Variants in PEPD observed in about 807,000 individuals in gnomAD.
The protein encoded by PEPD is xaa-Pro dipeptidase.
In PEPD, 53 loss-of-function variants were observed where a neutral mutation model predicts 60.7. The ratio of observed to expected loss-of-function variants is 0.87; its 90% CI spans 0.70 to 1.10. PEPD has a LOEUF of 1.10. PEPD is among the 50% of genes least tolerant of loss of function. The pLI is 0.00. For missense variants in PEPD, 711 were observed against 711.9 expected, an observed-to-expected ratio of 1.00 and a Z score of 0.01; for synonymous variants, 267 against 284.1, an observed-to-expected ratio of 0.94 and a Z score of 0.60.
At chr19:33,521,372 G>T (rs999886783) in intron 1 of PEPD, among the ~76,000 whole-genome samples, 1 of 152,218 alleles carries the variant, frequency 6.6e-6, no homozygotes, top group Non-Finnish European at 1.5e-5. Context: ...AGTCCGTCTC[G>T]AATACCGCCT....
chr19:33,408,491 G>T (rs538873381), intron 11 of PEPD, among the ~76,000 whole-genome samples: 6 of 152,354 alleles, frequency 3.9e-5, no homozygotes, highest in Admixed American at 3.9e-4. Context: ...GCGTGTTGGG[G>T]GAGTGCTCAT....
At chr19:33,505,183 T>A (rs1297036180) in intron 3 of PEPD, among the ~76,000 whole-genome samples, 2 of 152,126 alleles carry the variant, frequency 1.3e-5, no homozygotes, top group African/African-American at 4.8e-5. Context: ...ATTACAGCCA[T>A]CACCATCCAT....
chr19:33,461,291 C>T (rs7254613), intron 9 of PEPD, among the ~76,000 whole-genome samples: 63,149 of 151,424 alleles, frequency 0.42, 13,918 homozygotes, highest in African/African-American at 0.56. Flanking sequence ...ATTTTGGATA[C>T]TGAAATTTCC....
At chr19:33,417,190 A>C (rs1968908338) in intron 9 of PEPD, among the ~76,000 whole-genome samples, 1 of 152,248 alleles carries the variant, frequency 6.6e-6, no homozygotes, top group Admixed American at 6.5e-5. Context: ...CGAAGAGGTT[A>C]GTGAGGCAGT....
At chr19:33,406,346 A>G (rs114612680) in intron 11 of PEPD, among the ~76,000 whole-genome samples, 123 of 152,366 alleles carry the variant, frequency 8.1e-4, no homozygotes, top group African/African-American at 2.8e-3. Context: ...GTGTCTGCTC[A>G]TAACCAGGCC....
chr19:33,398,032 G>A (rs1968406396), intron 12 of PEPD, among the ~76,000 whole-genome samples: 1 of 152,192 alleles, frequency 6.6e-6, no homozygotes, highest in Non-Finnish European at 1.5e-5. Flanking sequence ...AGGCCAGCCA[G>A]GGCTGGGCCA....
At chr19:33,459,335 T>C (rs900300681) in intron 9 of PEPD, among the ~76,000 whole-genome samples, 1 of 152,158 alleles carries the variant, frequency 6.6e-6, no homozygotes, top group Non-Finnish European at 1.5e-5. Flanking sequence ...ACACATCGCG[T>C]TATTAATCTC....
At chr19:33,427,854 C>T (rs1969183761) in intron 9 of PEPD, among the ~76,000 whole-genome samples, 1 of 152,172 alleles carries the variant, frequency 6.6e-6, no homozygotes, top group Non-Finnish European at 1.5e-5. Flanking sequence ...CTTTATGACA[C>T]CAACACTACT....
chr19:33,387,836 G>T, intron 14 of PEPD, 54 bp downstream of exon 14: 1 of 1,381,218 alleles, frequency 7.2e-7, no homozygotes. Flanking sequence ...GTCTGCAGCT[G>T]CAGTGGAGGT....
intron 1 of PEPD, among the ~76,000 whole-genome samples, chr19:33,517,495 G>T (rs1342022454): frequency 1.3e-5 from 2 of 150,708 alleles, no homozygotes; most frequent in Non-Finnish European, 3.0e-5. Context: ...GGAGGCGGAG[G>T]TTGCAGTGAG....
At chr19:33,440,085 C>A (rs1969455174) in intron 9 of PEPD, among the ~76,000 whole-genome samples, 1 of 152,168 alleles carries the variant, frequency 6.6e-6, no homozygotes, top group African/African-American at 2.4e-5. Flanking sequence ...ATGACAACCA[C>A]TGGGACCTGC....
intron 12 of PEPD, among the ~76,000 whole-genome samples, chr19:33,398,394 G>A (rs924113519): frequency 6.6e-6 from 1 of 152,254 alleles, no homozygotes; most frequent in Admixed American, 6.5e-5. Context: ...TGATGTGATG[G>A]TGACACAGTT....
chr19:33,401,163 A>T (rs567108505), intron 12 of PEPD, among the ~76,000 whole-genome samples: 1 of 152,322 alleles, frequency 6.6e-6, no homozygotes, highest in East Asian at 1.9e-4. Context: ...TGGCCTCAAC[A>T]TGGCCATCAT....
At chr19:33,504,363 A>AG (rs1970762323) in intron 3 of PEPD, among the ~76,000 whole-genome samples, 1 of 152,168 alleles carries the variant, frequency 6.6e-6, no homozygotes, top group Non-Finnish European at 1.5e-5. Context: ...CCAGGGCAGG[A>AG]GGCAGCCACT....
At chr19:33,453,344 A>AT (rs10528181) in intron 9 of PEPD, among the ~76,000 whole-genome samples, 7 of 151,752 alleles carry the variant, frequency 4.6e-5, no homozygotes, top group African/African-American at 1.5e-4. Context: ...AAATAAATAA[A>AT]AAAGCAACAA....
In PEPD at chr19:33,419,418, A is replaced by G. The variant is rs563472197; in HGVS notation, c.672-5775T>C. Among the ~76,000 whole-genome samples the G allele has an allele frequency of 7.2e-5, 11 of 152,358 alleles. No individual in the cohort carries two copies. In the South Asian group the frequency reaches 2.3e-3, roughly 32 times the overall value. Reference sequence around the variant, plus strand: ...GAAAAACTGAACAGTCAACTGCAGCATTTAGCATGATAACAACCCTTTGGG... The same window carrying G: ...GAAAAACTGAACAGTCAACTGCAGCGTTTAGCATGATAACAACCCTTTGGG... On this transcript the variant is annotated intron_variant, in intron 9 of 14. Transcript: ENST00000244137.
chr19:33,390,335 A>G (rs1476216080), intron 13 of PEPD, among the ~76,000 whole-genome samples: 1 of 152,264 alleles, frequency 6.6e-6, no homozygotes, highest in Admixed American at 6.5e-5. Flanking sequence ...AATGGGATGA[A>G]TAGACATTAG....
chr19:33,497,150 T>C (rs1970623241), intron 4 of PEPD, among the ~76,000 whole-genome samples: 1 of 152,276 alleles, frequency 6.6e-6, no homozygotes, highest in Admixed American at 6.5e-5. Flanking sequence ...TGGCTACTCC[T>C]GAACAATCAG....
chr19:33,521,640 C>T, intron 1 of PEPD, 104 bp downstream of exon 1: 1 of 1,233,666 alleles, frequency 8.1e-7, no homozygotes, highest in Non-Finnish European at 1.2e-6. Context: ...CGCCTACCCG[C>T]GGCATTCAGC....
Sources: gnomAD v4.1 joint callset for allele counts (sites outside exome capture counted in the v4.1 genomes callset) on GRCh38, gnomAD v4.1.1 for gene constraint, MANE v1.5 for transcripts, NCBI Gene and HGNC (gene_info 2026-07-23, HGNC 2026-07-21) for gene names.